ZNF749: variants seen among roughly 807,000 people sequenced by gnomAD.
ZNF749 encodes zinc finger protein 749.
ZNF749 carries 8 observed loss-of-function variants against 7.3 expected under a neutral mutation model. That is an observed-to-expected ratio of 1.10 (90% CI 0.64 to 1.98). The LOEUF is 1.98. Among genes scored for constraint, ZNF749 ranks in the 30% most tolerant of loss-of-function variants. ZNF749 has a pLI of 0.00. For missense variants in ZNF749, 898 were observed against 932.4 expected, an observed-to-expected ratio of 0.96 and a Z score of 0.48; for synonymous variants, 310 against 322.4, an observed-to-expected ratio of 0.96 and a Z score of 0.41.
In ZNF749 at chr19:57,442,543, A is replaced by G. The variant is rs1838219463; in HGVS notation, c.142+532A>G. ...CCCTCCCTTTCCCTGCCTTTCCCGT[A>G]GCTGGACTTATGCCGCAGCTAGATA... On this transcript the variant is annotated intron_variant, in intron 2 of 2. Coordinates refer to ENST00000334181, the MANE Select transcript of ZNF749 (RefSeq NM_001023561.4). This position sits in a 1 kb window ranked among gnomAD's most constrained non-coding sequence, Gnocchi z 6.6. Among the ~76,000 whole-genome samples the G allele has an allele frequency of 6.6e-6, 1 of 152,028 alleles. No homozygotes were observed. Among genetic ancestry groups the G allele is most frequent in the African/African-American group, 2.4e-5 (1 of 41,376 alleles).
chr19:57,437,436 G>T (rs2123092968), intron 1 of ZNF749, among the ~76,000 whole-genome samples: 1 of 152,216 alleles, frequency 6.6e-6, no homozygotes, highest in Non-Finnish European at 1.5e-5. Context: ...AAAACATTAA[G>T]AAGTGTGGGC....
At chr19:57,435,679 G>C in intron 1 of ZNF749, 86 bp downstream of exon 1, 1 of 1,541,392 alleles carries the variant, frequency 6.5e-7, no homozygotes, top group Non-Finnish European at 8.8e-7. Context: ...TTAGGCCCTT[G>C]TGTCTCTAAG....
chr19:57,428,760 A>G, the ZNF749 span, among the ~76,000 whole-genome samples: 1 of 152,186 alleles, frequency 6.6e-6, no homozygotes, highest in Non-Finnish European at 1.5e-5. Flanking sequence ...TAAGACACTC[A>G]GTGATCTGAA....
chr19:57,431,502 G>A (rs1159119691), upstream of ZNF749, among the ~76,000 whole-genome samples: 4 of 152,142 alleles, frequency 2.6e-5, no homozygotes, highest in African/African-American at 9.7e-5. Flanking sequence ...ATAAGTGCTG[G>A]CACTGTCTGA....
intron 1 of ZNF749, among the ~76,000 whole-genome samples, chr19:57,438,937 C>T (rs555900380): frequency 6.6e-6 from 1 of 152,270 alleles, no homozygotes; most frequent in Admixed American, 6.5e-5. Context: ...AACTGAAAAT[C>T]CATGTTGTAT....
Position 57,441,881 on chromosome 19 carries a change from G to T in ZNF749, c.16-4G>T. On this transcript the variant is annotated splice_region_variant and splice_polypyrimidine_tract_variant and intron_variant, in intron 1 of 2. Coordinates refer to ENST00000334181, the MANE Select transcript of ZNF749 (RefSeq NM_001023561.4). ...CATAGACTGAAGTGTCATAATTTTG[G>T]CAGGATTGTATGGTCTTTGAGGATG... The T allele has an allele frequency of 6.2e-7, 1 of 1,614,008 alleles. No homozygotes were observed. The highest frequency in any genetic ancestry group is 1.1e-5 in the South Asian group (1 of 91,056).
At chr19:57,435,153 G>A (rs898743561), upstream of ZNF749, among the ~76,000 whole-genome samples, 3 of 143,240 alleles carry the variant, frequency 2.1e-5, no homozygotes, top group African/African-American at 7.3e-5. Flanking sequence ...CCAGCATTGT[G>A]AGGCGAGGCA....
upstream of ZNF749, among the ~76,000 whole-genome samples, chr19:57,434,167 G>A (rs1365238329): frequency 6.6e-6 from 1 of 152,092 alleles, no homozygotes; most frequent in Non-Finnish European, 1.5e-5. Flanking sequence ...GCGAGATCTC[G>A]GCTCACCGTA....
Position 57,445,253 on chromosome 19 carries a change from G to A in ZNF749, c.2105G>A (p.Arg702Lys). The change falls in exon 3 of 3, where the codon AGG becomes AAG. Residue 702 changes from arginine to lysine, a missense_variant. Transcript: ENST00000334181. ...AAGCCTCATGAGTGCAGTAAATGTA[G>A]GGAATTGTTTAGGACTAAATCGAGC... ...GEKPHECSKC[R>K]ELFRTKSSLI... 1 of 1,613,976 alleles carries A rather than the reference G, an allele frequency of 6.2e-7. No individual in the cohort carries two copies.
In ZNF749 at chr19:57,443,929, T is replaced by A. The variant is rs1568546831; in HGVS notation, c.781T>A (p.Phe261Ile). 1.2e-6 allele frequency: 2 copies of A among 1,613,914 alleles called. No homozygotes were observed. Among genetic ancestry groups the A allele is most frequent in the Non-Finnish European group, 1.7e-6 (2 of 1,179,874 alleles). Residue 261 changes from phenylalanine (F) to isoleucine (I), a missense_variant, in exon 3 of 3, where the codon TTT becomes ATT. Transcript: ENST00000334181. The stretch of plus-strand genomic sequence containing the variant: ...TGAGGGCACTGAATATGGAAAGACC[T>A]TTATTAGAAAGTCCAACCTAGTTCA... ...PYEGTEYGKT[F>I]IRKSNLVQHQ...
chr19:57,432,584 A>AAAGG (rs1157181440), upstream of ZNF749, among the ~76,000 whole-genome samples: 8 of 116,632 alleles, frequency 6.9e-5, no homozygotes, highest in Non-Finnish European at 9.1e-5. Context: ...AAAAAAAAAA[A>AAAGG]GGTGGGGGGG....
At chr19:57,428,624 C>G in the ZNF749 span, 2 of 151,746 alleles carry the variant, frequency 1.3e-5, no homozygotes, top group Non-Finnish European at 2.9e-5. Flanking sequence ...ATTATTTTGA[C>G]AAGATTTAAT....
chr19:57,432,468 A>G (rs1282127187), upstream of ZNF749, among the ~76,000 whole-genome samples: 2 of 149,218 alleles, frequency 1.3e-5, no homozygotes, highest in Admixed American at 1.3e-4. Flanking sequence ...AGGCTGAGGC[A>G]GGAGAATTGC....
chr19:57,446,746 C>G lies in ZNF749; in HGVS notation c.*1261C>G, dbSNP rs528190131. On this transcript the variant is annotated 3_prime_UTR_variant, in exon 3 of 3. Coordinates refer to ENST00000334181, the MANE Select transcript of ZNF749 (RefSeq NM_001023561.4). ...CAAACCTGAAGGGCACAGCCTATTA[C>G]GCACCTAGGCTATATGATATGGTCC... is the stretch of plus-strand genomic sequence containing the variant. Among the ~76,000 whole-genome samples, 1 of 152,094 alleles carries G rather than the reference C, an allele frequency of 6.6e-6. No individual in the cohort carries two copies.
chr19:57,428,609 TTATTATTATTTTGACA>T, the ZNF749 span: 1 of 151,976 alleles, frequency 6.6e-6, no homozygotes, highest in Non-Finnish European at 1.5e-5. Context: ...TTGGCTACTG[TTATTATTATTTTGACA>T]AGATTTAATG....
At chr19:57,433,820 T>A (rs932308785), upstream of ZNF749, among the ~76,000 whole-genome samples, 7 of 152,114 alleles carry the variant, frequency 4.6e-5, no homozygotes, top group African/African-American at 1.4e-4. Flanking sequence ...CAGGTAGTAT[T>A]GCCACCACCT....
rs1429814364 is a variant in ZNF749 at position 57,439,121 on chromosome 19, C to CCCT, written c.16-2763_16-2762insCTC. ...GACCTGACCCAGGTTTTAGTGGCTCCCTCTGCCTGCAGAATGGAAGACCAC... is the reference window on the plus strand; with the variant it reads ...GACCTGACCCAGGTTTTAGTGGCTCCCCTCTCTGCCTGCAGAATGGAAGACCAC... On this transcript the variant is annotated intron_variant, in intron 1 of 2. Coordinates refer to ENST00000334181, the MANE Select transcript of ZNF749 (RefSeq NM_001023561.4). The surrounding 1 kb of genome is among the most constrained non-coding windows in gnomAD (Gnocchi z 4.3). Among the ~76,000 whole-genome samples, 1 of 152,098 alleles carries CCCT rather than the reference C, an allele frequency of 6.6e-6. No individual in the cohort carries two copies. The highest frequency in any genetic ancestry group is 1.5e-5 in the Non-Finnish European group (1 of 68,014).
At chr19:57,441,852 T>C (rs776091411) in intron 1 of ZNF749, 33 bp from the exon 2 acceptor site, 77 of 1,612,946 alleles carry the variant, frequency 4.8e-5, no homozygotes, top group Non-Finnish European at 6.3e-5. Context: ...AATAAGAAGT[T>C]GTTCATAGAC....
chr19:57,441,758 G>A, intron 1 of ZNF749, 127 bp from the exon 2 acceptor site: 1 of 1,150,656 alleles, frequency 8.7e-7, no homozygotes, highest in Non-Finnish European at 1.3e-6. Context: ...TGGATCGCAA[G>A]GGAAATGTAA....
Sources: gnomAD v4.1 joint callset for allele counts (sites outside exome capture counted in the v4.1 genomes callset) on GRCh38, gnomAD v4.1.1 for gene constraint, Gnocchi (gnomAD v3.1) non-coding constraint, MANE v1.5 for transcripts, NCBI Gene and HGNC (gene_info 2026-07-23, HGNC 2026-07-21) for gene names.